Variants in FNDC3B observed in about 807,000 individuals in gnomAD.
The protein encoded by FNDC3B is fibronectin type III domain containing 3B.
A neutral mutation model predicts 151.5 loss-of-function variants in FNDC3B; 12 were observed. That is an observed-to-expected ratio of 0.08 (90% CI 0.05 to 0.13). The LOEUF (loss-of-function observed/expected upper bound fraction) is 0.13. FNDC3B is among the 10% of genes least tolerant of loss of function. The pLI, the probability that FNDC3B is intolerant of heterozygous loss-of-function variation, is 1.00. For synonymous variants in FNDC3B, 528 were observed against 549.0 expected (o/e 0.96, Z 0.54); for missense variants, 1,214 against 1,505.3 (o/e 0.81, Z 3.20).
At chr3:172,281,238 T>C (rs556897169) in intron 6 of FNDC3B, among the ~76,000 whole-genome samples, 14,424 of 147,434 alleles carry the variant, frequency 0.098, 825 homozygotes, top group African/African-American at 0.14. Flanking sequence ...TATTTATTTA[T>C]TTATTTATTT....
At chr3:172,215,320 G>A (rs1725920057) in intron 3 of FNDC3B, among the ~76,000 whole-genome samples, 1 of 152,228 alleles carries the variant, frequency 6.6e-6, no homozygotes, top group African/African-American at 2.4e-5. Context: ...TGGGATGGAA[G>A]TGGGGGTACA....
intron 3 of FNDC3B, among the ~76,000 whole-genome samples, chr3:172,172,207 T>C (rs896927299): frequency 6.6e-6 from 1 of 152,186 alleles, no homozygotes; most frequent in Non-Finnish European, 1.5e-5. Context: ...CTAAAGCATC[T>C]CTCAAAATAG....
intron 7 of FNDC3B, among the ~76,000 whole-genome samples, chr3:172,292,241 G>C (rs1730378945): frequency 6.6e-6 from 1 of 152,208 alleles, no homozygotes; most frequent in Admixed American, 6.5e-5. Context: ...TTAGCTCAAG[G>C]AAAGAATTCA....
At chr3:172,111,612 A>G (rs1472010300) in intron 1 of FNDC3B, among the ~76,000 whole-genome samples, 1 of 151,944 alleles carries the variant, frequency 6.6e-6, no homozygotes, top group Admixed American at 6.6e-5. Context: ...CCAAGGGAGG[A>G]CTTTTTTTGG....
Position 172,079,099 on chromosome 3 carries a change from A to T in FNDC3B, c.-28-33353A>T, listed in dbSNP as rs185604206. Among the ~76,000 whole-genome samples, 369 of 152,212 alleles carry T rather than the reference A, an allele frequency of 2.4e-3. 2 individuals carry two copies. Among genetic ancestry groups the T allele is most frequent in the Non-Finnish European group, 3.5e-3 (238 of 68,010 alleles). ...ATTTATATAAGGTCAGTGTTGGTTG[A>T]CCTAGTTTGATCTGGCCCTAGATTT... On this transcript the variant is annotated intron_variant, in intron 1 of 25. Transcript: ENST00000415807.
rs574990513 is a variant in FNDC3B at position 172,186,882 on chromosome 3, T to C, written c.188-39989T>C. 4 of 557,694 alleles carry C rather than the reference T, an allele frequency of 7.2e-6. No homozygotes were observed. In the African/African-American group the frequency reaches 7.7e-5, roughly 11 times the overall value. 34.5% of individuals were successfully genotyped at this position (557,694 alleles called of 1,614,324 possible). ...AGTGGATTAAGTGGCCCACAGTCAG[T>C]TCTGTGACTTGAGTTTCAAAAGTAA... On this transcript the variant is annotated intron_variant, in intron 3 of 25. Transcript: ENST00000415807.
intron 1 of FNDC3B, among the ~76,000 whole-genome samples, chr3:172,050,379 G>A (rs547784879): frequency 6.7e-5 from 10 of 148,496 alleles, no homozygotes; most frequent in African/African-American, 2.3e-4. Flanking sequence ...ACTCTCTGTG[G>A]GTATATTTTC....
chr3:172,123,813 A>G (rs1720673800), intron 2 of FNDC3B, among the ~76,000 whole-genome samples: 1 of 152,242 alleles, frequency 6.6e-6, no homozygotes, highest in South Asian at 2.1e-4. Context: ...AATATAAAAT[A>G]TTAATAAGAA....
chr3:172,176,569 A>T (rs892265518), intron 3 of FNDC3B, among the ~76,000 whole-genome samples: 9 of 152,218 alleles, frequency 5.9e-5, no homozygotes, highest in Admixed American at 2.6e-4. Context: ...GTGGGCAATT[A>T]CAGAGGATTA....
chr3:172,334,140 A>G (rs780627356), intron 14 of FNDC3B, among the ~76,000 whole-genome samples: 5 of 152,210 alleles, frequency 3.3e-5, no homozygotes, highest in African/African-American at 4.8e-5. Context: ...CAATCACTCA[A>G]TAAATAGTTG....
chr3:172,334,434 A>G (rs577480155), intron 14 of FNDC3B, among the ~76,000 whole-genome samples: 1 of 150,736 alleles, frequency 6.6e-6, no homozygotes, highest in Admixed American at 6.7e-5. Flanking sequence ...CCATCTTATC[A>G]TTTTATTTTT....
At chr3:172,337,996 A>G (rs1457437386) in intron 16 of FNDC3B, 1 of 152,414 alleles carries the variant, frequency 6.6e-6, no homozygotes, top group Non-Finnish European at 1.5e-5. Context: ...TAAATTTGGT[A>G]TTTTCATCTC....
chr3:172,099,370 G>A (rs11919580), intron 1 of FNDC3B, among the ~76,000 whole-genome samples: 7,494 of 151,970 alleles, frequency 0.049, 617 homozygotes, highest in African/African-American at 0.17. Flanking sequence ...AAATCATGGC[G>A]GGACTTAAAA....
chr3:172,246,091 A>G (rs1249559229), intron 4 of FNDC3B, among the ~76,000 whole-genome samples: 9 of 152,196 alleles, frequency 5.9e-5, no homozygotes, highest in Admixed American at 5.9e-4. Context: ...TGTTTTAGAC[A>G]TGATTAAGTC....
At chr3:172,062,950 T>G (rs1272775903) in intron 1 of FNDC3B, among the ~76,000 whole-genome samples, 3 of 152,206 alleles carry the variant, frequency 2.0e-5, no homozygotes, top group Admixed American at 6.5e-5. Context: ...TTACTTTTTT[T>G]GGTGATGCCT....
At chr3:172,158,761 T>A (rs1458428642) in intron 3 of FNDC3B, among the ~76,000 whole-genome samples, 3 of 152,202 alleles carry the variant, frequency 2.0e-5, no homozygotes, top group African/African-American at 7.2e-5. Context: ...CCTACAAGTT[T>A]TATAGTTTTA....
At chr3:172,127,644 G>GTT (rs1720864996) in intron 2 of FNDC3B, among the ~76,000 whole-genome samples, 1 of 152,112 alleles carries the variant, frequency 6.6e-6, no homozygotes, top group East Asian at 1.9e-4. Flanking sequence ...TGAGGATACA[G>GTT]CTTTTTTTTA....
At chr3:172,102,262 T>G (rs1184753210) in intron 1 of FNDC3B, among the ~76,000 whole-genome samples, 1 of 152,198 alleles carries the variant, frequency 6.6e-6, no homozygotes, top group Non-Finnish European at 1.5e-5. Flanking sequence ...TCATAGGATG[T>G]TTTGATGCTA....
intron 3 of FNDC3B, among the ~76,000 whole-genome samples, chr3:172,218,105 C>G (rs1023339524): frequency 7.6e-6 from 1 of 131,988 alleles, no homozygotes; most frequent in Non-Finnish European, 1.6e-5. Flanking sequence ...AAAGCCAATG[C>G]CAGAGAAACG....
Sources: gnomAD v4.1 joint callset for allele counts (sites outside exome capture counted in the v4.1 genomes callset) on GRCh38, gnomAD v4.1.1 for gene constraint, MANE v1.5 for transcripts, NCBI Gene and HGNC (gene_info 2026-07-23, HGNC 2026-07-21) for gene names.